The following CACNA1D variants were observed in gnomAD, a reference collection of about 807,000 sequenced individuals.
The protein encoded by CACNA1D is calcium voltage-gated channel subunit alpha1 D, also known as voltage-dependent L-type calcium channel subunit alpha-1D.
Under a neutral mutation model 257.1 loss-of-function variants are expected in CACNA1D, and 55 were observed. The ratio of observed to expected loss-of-function variants is 0.21; its 90% CI spans 0.17 to 0.27. The LOEUF is 0.27. CACNA1D is among the 10% of genes least tolerant of loss of function. The pLI is 1.00. For missense variants in CACNA1D, 1,876 were observed against 2,784.0 expected, an observed-to-expected ratio of 0.67 and a Z score of 7.34; for synonymous variants, 980 against 1,014.9, an observed-to-expected ratio of 0.97 and a Z score of 0.65.
intron 3 of CACNA1D, among the ~76,000 whole-genome samples, chr3:53,628,813 T>C (rs1198668131): frequency 2.0e-5 from 3 of 152,198 alleles, no homozygotes; most frequent in South Asian, 2.1e-4. Flanking sequence ...TTTGTAAAAA[T>C]GTTTGTGTTT....
rs2095604555 is a variant in CACNA1D, at chr3:53,812,464, T to C, written c.*1058T>C. On this transcript the variant is annotated 3_prime_UTR_variant, in exon 48 of 48. Coordinates refer to ENST00000350061, the MANE Select transcript of CACNA1D (RefSeq NM_001128840.3). ...ATAAACCTATCATCTTTCCACAAGA[T>C]ATACCAGATGACTATTTGCAGTCTT... The C allele has an allele frequency of 6.6e-6, 1 of 152,244 alleles. No individual in the cohort carries two copies. Among genetic ancestry groups the C allele is most frequent in the African/African-American group, 2.4e-5 (1 of 41,460 alleles). The allele number at this position is 152,244 out of a possible 1,614,324, so 9.4% of individuals were successfully genotyped here. A position where few individuals can be genotyped will look rare whatever the true frequency, so the allele number is the denominator to read the frequency against.
At chr3:53,728,949 G>T (rs2094961818) in intron 15 of CACNA1D, among the ~76,000 whole-genome samples, 1 of 152,196 alleles carries the variant, frequency 6.6e-6, no homozygotes, top group African/African-American at 2.4e-5. Context: ...TTACAAGCTT[G>T]TAAGATCTTC....
chr3:53,727,361 G>T (rs536100585), intron 15 of CACNA1D, among the ~76,000 whole-genome samples: 1 of 152,138 alleles, frequency 6.6e-6, no homozygotes, highest in Non-Finnish European at 1.5e-5. Flanking sequence ...ATCATTATTG[G>T]GAGCTTAGGC....
intron 4 of CACNA1D, 154 bp downstream of exon 4, chr3:53,651,072 G>A (rs2108274058): frequency 2.9e-6 from 2 of 681,926 alleles, no homozygotes; most frequent in South Asian, 3.3e-5. Context: ...TTTTAAGGCT[G>A]GTGATGCTGC....
At position 53,732,921 on chromosome 3, in the gene CACNA1D, C is replaced by A. The variant is rs765853881; in HGVS notation, c.2580C>A (p.Ile860=). ...ELNMKEKIAP[I]PEGSAFFILS... is the part of the protein sequence containing the mutation. ...ACATGAAGGAAAAAATTGCCCCCAT[C>A]CCTGAAGGGAGCGCTTTCTTCATTC... The change falls in exon 19 of 48, where the codon ATC becomes ATA. Residue 860 remains isoleucine, a synonymous_variant. Transcript: ENST00000350061. 4 of 1,614,012 alleles carry A rather than the reference C, an allele frequency of 2.5e-6. No homozygotes were observed. Among genetic ancestry groups the A allele is most frequent in the Admixed American group, 1.7e-5 (1 of 60,020 alleles).
At chr3:53,657,752 C>A (rs1374821077) in intron 4 of CACNA1D, among the ~76,000 whole-genome samples, 2 of 152,232 alleles carry the variant, frequency 1.3e-5, no homozygotes, top group African/African-American at 4.8e-5. Context: ...CAGTTTCCAA[C>A]TACAGTCTGT....
intron 3 of CACNA1D, among the ~76,000 whole-genome samples, chr3:53,532,078 A>G (rs751960582): frequency 6.6e-6 from 1 of 152,166 alleles, no homozygotes; most frequent in Non-Finnish European, 1.5e-5. Flanking sequence ...AGGGGAGGTG[A>G]GTGTCATCAG....
intron 8 of CACNA1D, among the ~76,000 whole-genome samples, chr3:53,681,870 A>G (rs1224649452): frequency 6.6e-6 from 1 of 152,070 alleles, no homozygotes; most frequent in African/African-American, 2.4e-5. Context: ...AGCTAGGGCA[A>G]GGGTATTCTA....
intron 9 of CACNA1D, among the ~76,000 whole-genome samples, chr3:53,712,871 C>G (rs1384070359): frequency 6.6e-6 from 1 of 152,194 alleles, no homozygotes; most frequent in Admixed American, 6.5e-5. Context: ...ACTAATGGGA[C>G]AGGTTCTAGA....
chr3:53,758,252 T>C (rs1490583054), intron 29 of CACNA1D, among the ~76,000 whole-genome samples: 1 of 152,196 alleles, frequency 6.6e-6, no homozygotes, highest in East Asian at 1.9e-4. Context: ...GTTGGCACTT[T>C]GGGTTATCAC....
intron 3 of CACNA1D, among the ~76,000 whole-genome samples, chr3:53,607,380 G>A (rs1457877640): frequency 6.6e-6 from 1 of 152,218 alleles, no homozygotes; most frequent in African/African-American, 2.4e-5. Flanking sequence ...CAAGCCCAGG[G>A]TTATCACATG....
chr3:53,511,162 T>G (rs2091090360), intron 3 of CACNA1D, among the ~76,000 whole-genome samples: 1 of 152,140 alleles, frequency 6.6e-6, no homozygotes, highest in Admixed American at 6.6e-5. Context: ...CACAGTAAAA[T>G]CTCGCTATTA....
At chr3:53,726,732 T>C (rs1318873260) in intron 14 of CACNA1D, 147 bp from the exon 15 acceptor site, 5 of 877,498 alleles carry the variant, frequency 5.7e-6, no homozygotes, top group Non-Finnish European at 9.5e-6. Flanking sequence ...TTTTAGAAAT[T>C]CCATGGGATA....
At chr3:53,571,081 T>C (rs900370641) in intron 3 of CACNA1D, among the ~76,000 whole-genome samples, 2 of 152,166 alleles carry the variant, frequency 1.3e-5, no homozygotes, top group African/African-American at 4.8e-5. Flanking sequence ...ATTGGTGATT[T>C]TGGGTGCTTC....
intron 8 of CACNA1D, among the ~76,000 whole-genome samples, chr3:53,701,473 G>T (rs1459241385): frequency 6.6e-6 from 1 of 152,168 alleles, no homozygotes; most frequent in South Asian, 2.1e-4. Context: ...CCATTCGTGG[G>T]TTGGGTTGGG....
At chr3:53,663,730 T>C (rs1324023679) in intron 5 of CACNA1D, among the ~76,000 whole-genome samples, 1 of 152,022 alleles carries the variant, frequency 6.6e-6, no homozygotes, top group African/African-American at 2.4e-5. Context: ...GACCCTGTCT[T>C]CCTAAGACCT....
intron 8 of CACNA1D, among the ~76,000 whole-genome samples, chr3:53,682,132 T>C (rs977455198): frequency 1.3e-5 from 2 of 152,050 alleles, no homozygotes; most frequent in African/African-American, 4.8e-5. Flanking sequence ...TTACATTTTC[T>C]AAAAATTATG....
At chr3:53,578,501 T>A (rs976874560) in intron 3 of CACNA1D, among the ~76,000 whole-genome samples, 1 of 152,112 alleles carries the variant, frequency 6.6e-6, no homozygotes, top group Non-Finnish European at 1.5e-5. Context: ...CGAAAGTCTT[T>A]AAGGGGTCGA....
intron 3 of CACNA1D, among the ~76,000 whole-genome samples, chr3:53,610,439 G>C (rs2093569030): frequency 6.6e-6 from 1 of 152,088 alleles, no homozygotes; most frequent in South Asian, 2.1e-4. Flanking sequence ...TTCACATTTA[G>C]GGTTGTTATG....
Sources: allele counts gnomAD v4.1 joint callset (sites outside exome capture counted in the v4.1 genomes callset), GRCh38; gene constraint gnomAD v4.1.1; transcripts MANE v1.5; gene names NCBI Gene and HGNC (gene_info 2026-07-23, HGNC 2026-07-21).